VPS13B: variants seen among roughly 807,000 people sequenced by gnomAD.
VPS13B encodes the protein vacuolar protein sorting 13 homolog B, also known as intermembrane lipid transfer protein VPS13B.
A neutral mutation model predicts 426.4 loss-of-function variants in VPS13B; 285 were observed. The observed-to-expected ratio is 0.67, with a 90% confidence interval of 0.61 to 0.74. The LOEUF (loss-of-function observed/expected upper bound fraction) is 0.74. VPS13B is among the 30% of genes least tolerant of loss of function. VPS13B has a pLI of 0.00. For synonymous variants in VPS13B, 1,676 were observed against 1,676.4 expected, an observed-to-expected ratio of 1.00 and a Z score of 0.01; for missense variants, 4,537 against 4,782.6, an observed-to-expected ratio of 0.95 and a Z score of 1.51.
At chr8:99,516,222 AT>A (rs1308319572) in intron 29 of VPS13B, among the ~76,000 whole-genome samples, 1 of 152,290 alleles carries the variant, frequency 6.6e-6, no homozygotes, top group East Asian at 1.9e-4. Context: ...CAGAAAACAA[AT>A]TTTTATTGAG....
chr8:99,699,129 G>GTC (rs1259493761), intron 35 of VPS13B, among the ~76,000 whole-genome samples: 5 of 127,200 alleles, frequency 3.9e-5, no homozygotes, highest in African/African-American at 1.4e-4. Flanking sequence ...AGTAAGGAAA[G>GTC]TCTTTTTTTT....
At chr8:99,020,722 G>A (rs897283091) in intron 2 of VPS13B, among the ~76,000 whole-genome samples, 3 of 152,002 alleles carry the variant, frequency 2.0e-5, no homozygotes, top group Non-Finnish European at 2.9e-5. Context: ...GAATGGTCTT[G>A]GTTCCTTTGT....
intron 19 of VPS13B, among the ~76,000 whole-genome samples, chr8:99,373,703 T>A (rs777524651): frequency 9.9e-5 from 15 of 152,010 alleles, no homozygotes; most frequent in Non-Finnish European, 2.1e-4. Context: ...GCAAAAAATA[T>A]AAAATAAAAA....
In VPS13B at chr8:99,784,386, G is replaced by A. The variant is rs920428153; in HGVS notation, c.7851G>A (p.Leu2617=). 4 of 1,613,642 alleles carry A rather than the reference G, an allele frequency of 2.5e-6. No individual in the cohort carries two copies. In the African/African-American group the frequency reaches 4.0e-5, roughly 16 times the overall value. ...FVICNDTQET[L]RFGQVDTDEN... is the part of the protein sequence containing the mutation. The stretch of plus-strand genomic sequence containing the variant: ...TCTGTAATGACACACAGGAGACACT[G>A]CGGTTTGGCCAGGTGGATACTGATG... Residue 2617 remains leucine, a synonymous_variant, in exon 43 of 62, where the codon CTG becomes CTA. Transcript: ENST00000357162.
chr8:99,486,902 T>C (rs1044438521), intron 25 of VPS13B, among the ~76,000 whole-genome samples: 2 of 152,124 alleles, frequency 1.3e-5, no homozygotes, highest in African/African-American at 4.8e-5. Flanking sequence ...AATTGGAGTT[T>C]ATGAGAATTT....
chr8:99,544,130 G>T (rs1331301163), intron 30 of VPS13B, among the ~76,000 whole-genome samples: 7 of 151,748 alleles, frequency 4.6e-5, no homozygotes. Flanking sequence ...ATACTATGCA[G>T]CCATAAAAAA....
intron 17 of VPS13B, among the ~76,000 whole-genome samples, chr8:99,217,046 A>G (rs1485987072): frequency 2.0e-5 from 3 of 152,044 alleles, no homozygotes; most frequent in Non-Finnish European, 4.4e-5. Flanking sequence ...GGGGCAAAAA[A>G]TGTTGTGTTT....
intron 2 of VPS13B, among the ~76,000 whole-genome samples, chr8:99,015,943 G>A (rs536689845): frequency 1.9e-3 from 286 of 152,230 alleles, no homozygotes; most frequent in Middle Eastern, 0.01. Flanking sequence ...AGAGGCGACT[G>A]GTAATCTGAC....
chr8:99,341,748 A>G lies in VPS13B; in HGVS notation c.2825-42460A>G, dbSNP rs186916462. ...TCTGCCTTTTTTGTCTTTCCCACCA[A>G]TAACATCAGCAATCTGGGTCAAACC... On this transcript the variant is annotated intron_variant, in intron 19 of 61. Transcript: ENST00000357162. 2.6e-3 allele frequency: 1,011 copies of G among 394,958 alleles called. 3 individuals are homozygous for G. The highest frequency in any genetic ancestry group is 4.4e-3 in the Non-Finnish European group (842 of 190,396). The allele number at this position is 394,958 out of a possible 1,614,324, so 24.5% of individuals were successfully genotyped here. A position where few individuals can be genotyped will look rare whatever the true frequency, so the allele number is the denominator to read the frequency against.
At chr8:99,626,047 T>C (rs970361094) in intron 33 of VPS13B, among the ~76,000 whole-genome samples, 1 of 152,200 alleles carries the variant, frequency 6.6e-6, no homozygotes, top group Non-Finnish European at 1.5e-5. Flanking sequence ...GACCTAAATG[T>C]AAGAACTAAA....
At chr8:99,718,359 A>G (rs1370293781) in intron 37 of VPS13B, among the ~76,000 whole-genome samples, 3 of 152,180 alleles carry the variant, frequency 2.0e-5, no homozygotes, top group Non-Finnish European at 2.9e-5. Context: ...CACTAGCAAT[A>G]TATAAGAACA....
chr8:99,322,995 T>G (rs1392571489), intron 19 of VPS13B, among the ~76,000 whole-genome samples: 2 of 152,200 alleles, frequency 1.3e-5, no homozygotes, highest in African/African-American at 4.8e-5. Flanking sequence ...AGGACATAGT[T>G]ATCCAACATT....
chr8:99,640,033 A>C (rs1829262996), intron 33 of VPS13B, among the ~76,000 whole-genome samples: 1 of 128,788 alleles, frequency 7.8e-6, no homozygotes, highest in Admixed American at 8.5e-5. Flanking sequence ...AATAAGAAGA[A>C]GAAGAAGAAG....
intron 35 of VPS13B, among the ~76,000 whole-genome samples, chr8:99,674,288 C>G (rs945255632): frequency 4.6e-5 from 7 of 151,982 alleles, no homozygotes; most frequent in Non-Finnish European, 1.0e-4. Context: ...TACCTATATA[C>G]TACAATGTTA....
chr8:99,769,664 G>A (rs889229439), intron 40 of VPS13B, among the ~76,000 whole-genome samples: 1 of 152,174 alleles, frequency 6.6e-6, no homozygotes, highest in East Asian at 1.9e-4. Flanking sequence ...TATGTAAATA[G>A]AGATAGCATT....
At position 99,383,956 on chromosome 8, in the gene VPS13B, C is replaced by T. The variant is rs11989337; in HGVS notation, c.2825-252C>T. On this transcript the variant is annotated intron_variant, in intron 19 of 61. Transcript: ENST00000357162. ...AAGTTTTTGTGTGGGCATAAGTTTT[C>T]GGTGCCCACATTTCCTCAAAAAGAC... 0.063 allele frequency among the ~76,000 whole-genome samples: 9,580 copies of T among 152,198 alleles called. 406 individuals carry two copies. Among genetic ancestry groups the T allele is most frequent in the African/African-American group, 0.12 (4,891 of 41,536 alleles).
At chr8:99,030,590 C>T (rs1332496646) in intron 2 of VPS13B, among the ~76,000 whole-genome samples, 1 of 151,950 alleles carries the variant, frequency 6.6e-6, no homozygotes. Context: ...CTGGAATAAG[C>T]AGGTTGGAAA....
At chr8:99,488,446 CT>C (rs1002335359) in intron 25 of VPS13B, among the ~76,000 whole-genome samples, 2 of 151,846 alleles carry the variant, frequency 1.3e-5, no homozygotes, top group African/African-American at 4.8e-5. Flanking sequence ...CTTTCCTACT[CT>C]TTGTTGTTAT....
chr8:99,865,003 G>A (rs563387578), intron 58 of VPS13B, among the ~76,000 whole-genome samples: 1 of 152,308 alleles, frequency 6.6e-6, no homozygotes, highest in Admixed American at 6.5e-5. Flanking sequence ...ACACTATGGA[G>A]CATTATGAGG....
Sources: allele counts gnomAD v4.1 joint callset (sites outside exome capture counted in the v4.1 genomes callset), GRCh38; gene constraint gnomAD v4.1.1; transcripts MANE v1.5; gene names NCBI Gene and HGNC (gene_info 2026-07-23, HGNC 2026-07-21).